Variants in ACKR2 observed in about 807,000 individuals in gnomAD.
ACKR2 encodes the protein atypical chemokine receptor 2, also known as C-C chemokine receptor D6.
For synonymous variants in ACKR2, 207 were observed against 192.2 expected (o/e 1.08, Z -0.64); for missense variants, 457 against 477.3 (o/e 0.96, Z 0.40).
Position 42,864,767 on chromosome 3 carries a change from G to A in ACKR2, c.265G>A (p.Ala89Thr), listed in dbSNP as rs1326805248. The stretch of plus-strand genomic sequence containing the variant: ...GGTTGAGATCTATCTGCTGAATCTG[G>A]CCATCTCCAACCTTCTGTTTCTGGT... Reference protein sequence around the residue: ...RMVEIYLLNLAISNLLFLVTL... With the variant: ...RMVEIYLLNLTISNLLFLVTL... Residue 89 changes from alanine to threonine, a missense_variant, in exon 3 of 3, where the codon GCC becomes ACC. Ala to Thr is a moderately conservative substitution (Grantham distance 58). Transcript: ENST00000422265. The A allele has an allele frequency of 6.2e-7, 1 of 1,614,182 alleles. No homozygotes were observed. The highest frequency in any genetic ancestry group is 8.5e-7 in the Non-Finnish European group (1 of 1,180,038).
Position 42,864,764 on chromosome 3 carries a change from C to G in ACKR2, c.262C>G (p.Leu88Val). Residue 88 changes from leucine (L) to valine (V), a missense_variant, in exon 3 of 3, where the codon CTG becomes GTG. Transcript: ENST00000422265. ...RRMVEIYLLN[L>V]AISNLLFLVT... is the part of the protein sequence containing the mutation. The stretch of plus-strand genomic sequence containing the variant: ...GATGGTTGAGATCTATCTGCTGAAT[C>G]TGGCCATCTCCAACCTTCTGTTTCT... 6.2e-7 allele frequency: 1 copy of G among 1,614,258 alleles called. No homozygotes were observed. The highest frequency in any genetic ancestry group is 8.5e-7 in the Non-Finnish European group (1 of 1,180,048).
intron 2 of ACKR2, among the ~76,000 whole-genome samples, chr3:42,841,284 T>C (rs1263075558): frequency 1.3e-5 from 2 of 152,222 alleles, no homozygotes; most frequent in East Asian, 3.8e-4. Context: ...TTTTTAGATG[T>C]CTGTTCTGAT....
At chr3:42,810,592 G>A (rs1209638433) in intron 1 of ACKR2, among the ~76,000 whole-genome samples, 1 of 151,514 alleles carries the variant, frequency 6.6e-6, no homozygotes, top group Non-Finnish European at 1.5e-5. Flanking sequence ...TCTTTTACAT[G>A]CTCACCCTAT....
intron 1 of ACKR2, among the ~76,000 whole-genome samples, chr3:42,815,135 G>A (rs141494518): frequency 2.5e-3 from 383 of 152,336 alleles, no homozygotes; most frequent in African/African-American, 8.3e-3. Flanking sequence ...GCCTGAAGAC[G>A]TTGGAGCAGG....
intron 2 of ACKR2, among the ~76,000 whole-genome samples, chr3:42,825,288 A>G (rs1002254159): frequency 8.0e-4 from 122 of 152,160 alleles, no homozygotes; most frequent in African/African-American, 2.9e-3. Flanking sequence ...CTGTAGATCA[A>G]TGAAGGGAGT....
intron 2 of ACKR2, among the ~76,000 whole-genome samples, chr3:42,820,237 A>T (rs1700795467): frequency 6.6e-6 from 1 of 152,228 alleles, no homozygotes; most frequent in Admixed American, 6.5e-5. Flanking sequence ...GCAAACAGAT[A>T]CTTCACCCAA....
At chr3:42,845,777 A>G (rs1701087026) in intron 2 of ACKR2, among the ~76,000 whole-genome samples, 1 of 148,450 alleles carries the variant, frequency 6.7e-6, no homozygotes, top group Non-Finnish European at 1.5e-5. Flanking sequence ...TGAACCTGGA[A>G]GGCGGAGGCT....
chr3:42,856,298 C>A, intron 2 of ACKR2: 1 of 688,278 alleles, frequency 1.5e-6, no homozygotes, highest in South Asian at 1.5e-5. Flanking sequence ...CAGATGCCAT[C>A]GGATAGGAGC....
intron 2 of ACKR2, among the ~76,000 whole-genome samples, chr3:42,847,271 G>A (rs980493721): frequency 6.6e-6 from 1 of 152,218 alleles, no homozygotes; most frequent in African/African-American, 2.4e-5. Context: ...AGGGTGCCTT[G>A]GGCAGATGTA....
intron 2 of ACKR2, chr3:42,851,526 C>A (rs1701159113): frequency 1.3e-6 from 1 of 788,298 alleles, no homozygotes; most frequent in Non-Finnish European, 1.5e-6. Flanking sequence ...GAGACTGAAC[C>A]CAGTGGCTTG....
intron 2 of ACKR2, among the ~76,000 whole-genome samples, chr3:42,857,792 CA>C (rs1398545118): frequency 6.6e-6 from 1 of 152,138 alleles, no homozygotes; most frequent in Non-Finnish European, 1.5e-5. Flanking sequence ...AAAGAAAACC[CA>C]AAGCCAGGGT....
rs780820047 is a variant in ACKR2 at position 42,865,598 on chromosome 3, G to C, written c.1096G>C (p.Gly366Arg). The change falls in exon 3 of 3, where the codon GGA (glycine) becomes CGA (arginine). Residue 366 changes from glycine (G) to arginine (R), a missense_variant. Gly to Arg is a moderately radical substitution (Grantham distance 125). Coordinates refer to ENST00000422265, the MANE Select transcript of ACKR2 (RefSeq NM_001296.5). ...GGAAATGACTGGCATGAATGACCTT[G>C]GAGAGAGGCAGTCTGAGAACTACCC... is the stretch of plus-strand genomic sequence containing the variant. The part of the protein sequence containing the change: ...QEEMTGMNDL[G>R]ERQSENYPNK... 4 of 1,614,082 alleles carry C rather than the reference G, an allele frequency of 2.5e-6. No individual in the cohort carries two copies. The East Asian group carries it at 8.9e-5, about 36-fold the overall frequency.
rs1014439612 is a variant in ACKR2 at position 42,853,461 on chromosome 3, C to T, written c.-37-11005C>T. 3.3e-5 allele frequency among the ~76,000 whole-genome samples: 5 copies of T among 152,138 alleles called. 1 individual carries two copies. The South Asian group carries it at 8.3e-4, about 25-fold the overall frequency. On this transcript the variant is annotated intron_variant, in intron 2 of 2. Transcript: ENST00000422265. ...TTGTTATTTTTTTGAGACAGGGTCT[C>T]GCTATGTTGCCCATGCTGGTCTCAA...
chr3:42,813,857 T>A (rs1047871197), intron 1 of ACKR2, among the ~76,000 whole-genome samples: 1 of 152,250 alleles, frequency 6.6e-6, no homozygotes, highest in African/African-American at 2.4e-5. Context: ...TGGAATTTGT[T>A]CCATGGTGAG....
chr3:42,810,269 G>A (rs1700681449), intron 1 of ACKR2, among the ~76,000 whole-genome samples: 1 of 152,142 alleles, frequency 6.6e-6, no homozygotes, highest in Admixed American at 6.5e-5. Context: ...TGAGTTAGGA[G>A]TCAACTAACC....
intron 2 of ACKR2, among the ~76,000 whole-genome samples, chr3:42,861,395 C>T (rs1024474655): frequency 6.6e-6 from 1 of 152,112 alleles, no homozygotes; most frequent in Non-Finnish European, 1.5e-5. Flanking sequence ...ATAAAAAGCC[C>T]AGGACCAGGC....
At chr3:42,843,071 T>A (rs62247901) in intron 2 of ACKR2, among the ~76,000 whole-genome samples, 4 of 143,320 alleles carry the variant, frequency 2.8e-5, no homozygotes, top group African/African-American at 5.2e-5. Flanking sequence ...TTTATTTATT[T>A]ATTATTCATT....
intron 1 of ACKR2, among the ~76,000 whole-genome samples, chr3:42,811,281 G>C (rs910881931): frequency 5.6e-4 from 85 of 152,328 alleles, no homozygotes; most frequent in African/African-American, 2.0e-3. Flanking sequence ...AAGAAAAATT[G>C]TTTTGCCTTG....
At chr3:42,861,603 C>G (rs575594286) in intron 2 of ACKR2, among the ~76,000 whole-genome samples, 2 of 152,166 alleles carry the variant, frequency 1.3e-5, no homozygotes, top group African/African-American at 4.8e-5. Flanking sequence ...AACATCGATG[C>G]AAAAATCCTC....
Sources: allele counts gnomAD v4.1 joint callset (sites outside exome capture counted in the v4.1 genomes callset), GRCh38; gene constraint gnomAD v4.1.1; transcripts MANE v1.5; gene names NCBI Gene and HGNC (gene_info 2026-07-23, HGNC 2026-07-21).